HSPA12A: variants seen among roughly 807,000 people sequenced by gnomAD.
The protein encoded by HSPA12A is heat shock 70 kDa protein 12A.
Under a neutral mutation model 69.2 loss-of-function variants are expected in HSPA12A, and 28 were observed. The ratio of observed to expected loss-of-function variants is 0.40; its 90% CI spans 0.30 to 0.55. The LOEUF is 0.55. HSPA12A is among the 20% of genes least tolerant of loss of function. The pLI is 0.38. For missense variants in HSPA12A, 686 were observed against 900.7 expected (o/e 0.76, Z 3.05); for synonymous variants, 345 against 370.5 (o/e 0.93, Z 0.79).
chr10:116,806,408 T>C (rs1319139113), intron 2 of HSPA12A, among the ~76,000 whole-genome samples: 1 of 152,168 alleles, frequency 6.6e-6, no homozygotes, highest in Non-Finnish European at 1.5e-5. Context: ...GGTTTCATTA[T>C]GTTGCCCAGG....
intron 6 of HSPA12A, 109 bp downstream of exon 6, chr10:116,692,242 C>T (rs1849756972): frequency 3.8e-6 from 3 of 796,970 alleles, no homozygotes; most frequent in Non-Finnish European, 6.2e-6. Flanking sequence ...TTGCTGCCTC[C>T]CATGGAGGCC....
intron 2 of HSPA12A, among the ~76,000 whole-genome samples, chr10:116,780,393 C>A (rs1844438544): frequency 6.6e-6 from 1 of 151,532 alleles, no homozygotes; most frequent in Non-Finnish European, 1.5e-5. Flanking sequence ...TCTCTGTCAC[C>A]CAGGCTGGAG....
At position 116,705,284 on chromosome 10, in the gene HSPA12A, G is replaced by A. The variant is rs375988040; in HGVS notation, c.127-6C>T. 3 of 1,614,120 alleles carry A rather than the reference G, an allele frequency of 1.9e-6. No homozygotes were observed. The highest frequency in any genetic ancestry group is 2.5e-6 in the Non-Finnish European group (3 of 1,180,006). ...ACGTTGGAGTCAGTGTCGTTCTGCA[G>A]ATATACAGTGAGGCATGGGGGGTGT... On this transcript the variant is annotated splice_polypyrimidine_tract_variant and splice_region_variant and intron_variant, in intron 2 of 11. Transcript: ENST00000369209.
intron 5 of HSPA12A, among the ~76,000 whole-genome samples, chr10:116,694,516 G>A (rs1331597620): frequency 6.6e-6 from 1 of 152,152 alleles, no homozygotes; most frequent in African/African-American, 2.4e-5. Flanking sequence ...ATGGCCACTT[G>A]ACCTTCTGGG....
chr10:116,832,144 C>CA (rs1376193637), intron 2 of HSPA12A: 4 of 151,392 alleles, frequency 2.6e-5, no homozygotes, highest in Admixed American at 6.6e-5. Context: ...CAGGATAGGA[C>CA]AAAAATGCAA....
rs374373497 is a variant in HSPA12A, at chr10:116,754,700, C to G, written c.92-47415G>C. ...TAAATAAAAATATGAACAGAATGACCGATCTTGTCAGTAATTTATTTCTGT... is the reference window on the plus strand; with the variant it reads ...TAAATAAAAATATGAACAGAATGACGGATCTTGTCAGTAATTTATTTCTGT... On this transcript the variant is annotated intron_variant, in intron 2 of 12. Coordinates refer to the HSPA12A transcript ENST00000635765. 3.9e-5 allele frequency among the ~76,000 whole-genome samples: 6 copies of G among 152,166 alleles called. No homozygotes were observed. The South Asian group carries it at 1.2e-3, about 32-fold the overall frequency.
intron 6 of HSPA12A, among the ~76,000 whole-genome samples, chr10:116,689,870 G>A (rs1445478662): frequency 2.6e-5 from 4 of 152,014 alleles, no homozygotes; most frequent in Admixed American, 6.5e-5. Context: ...TTACTCGGGA[G>A]GGTCAGCGTT....
At chr10:116,831,855 T>C (rs976758249) in intron 2 of HSPA12A, 9 of 152,238 alleles carry the variant, frequency 5.9e-5, no homozygotes, top group African/African-American at 2.2e-4. Context: ...AGGAAAATCT[T>C]AAGTGGTCAC....
intron 1 of HSPA12A, among the ~76,000 whole-genome samples, chr10:116,717,148 A>T (rs908139251): frequency 6.6e-6 from 1 of 152,124 alleles, no homozygotes; most frequent in Non-Finnish European, 1.5e-5. Context: ...CATTATTCCC[A>T]TTCTGTAGGT....
chr10:116,841,595 T>A (rs1267068647), intron 1 of HSPA12A, among the ~76,000 whole-genome samples: 1 of 152,170 alleles, frequency 6.6e-6, no homozygotes, highest in Non-Finnish European at 1.5e-5. Flanking sequence ...CTTAAATAAT[T>A]GTGGAAGTAC....
At chr10:116,731,716 A>C (rs1554885771) in intron 1 of HSPA12A, among the ~76,000 whole-genome samples, 1 of 152,094 alleles carries the variant, frequency 6.6e-6, no homozygotes, top group Non-Finnish European at 1.5e-5. Context: ...ACTGTTAACT[A>C]TTTGTGGGAG....
intron 2 of HSPA12A, among the ~76,000 whole-genome samples, chr10:116,766,102 TG>T (rs1225161803): frequency 1.3e-5 from 2 of 152,304 alleles, no homozygotes; most frequent in East Asian, 3.9e-4. Context: ...CCACCTCCTC[TG>T]CCCCCTCTCC....
At chr10:116,716,665 C>T (rs1289136608) in intron 1 of HSPA12A, among the ~76,000 whole-genome samples, 1 of 152,156 alleles carries the variant, frequency 6.6e-6, no homozygotes, top group African/African-American at 2.4e-5. Context: ...GTTGGCTCTT[C>T]GGCTGCTGCT....
chr10:116,821,812 C>G (rs1278211000), intron 2 of HSPA12A, among the ~76,000 whole-genome samples: 1 of 152,216 alleles, frequency 6.6e-6, no homozygotes, highest in Non-Finnish European at 1.5e-5. Flanking sequence ...CACCTGTCAA[C>G]CTTCCCTGTC....
chr10:116,835,166 G>A (rs1845687895), intron 1 of HSPA12A: 2 of 378,896 alleles, frequency 5.3e-6, no homozygotes, highest in Non-Finnish European at 8.9e-6. Context: ...GGGCGCAGAG[G>A]AGCTGGGTCC....
chr10:116,675,193 A>C lies in HSPA12A; in HGVS notation c.1616T>G (p.Val539Gly). 6.2e-7 allele frequency: 1 copy of C among 1,613,650 alleles called. No homozygotes were observed. The highest frequency in any genetic ancestry group is 8.5e-7 in the Non-Finnish European group (1 of 1,179,998). Residue 539 changes from valine to glycine, a missense_variant, in exon 12 of 12, where the codon GTA becomes GGA. Coordinates refer to ENST00000369209, the MANE Select transcript of HSPA12A (RefSeq NM_025015.3). This position sits in a 1 kb window ranked among gnomAD's most constrained non-coding sequence, Gnocchi z 5.2. Reference protein sequence around the residue: ...KVRRSPLTYGVGVLNRYVEGK... With the variant: ...KVRRSPLTYGGGVLNRYVEGK... ...CTCCACGTAGCGGTTCAGCACGCCT[A>C]CCCCGTAGGTGAGCGGCGACCGGCG...
At chr10:116,761,165 C>T (rs1302246702) in intron 2 of HSPA12A, among the ~76,000 whole-genome samples, 1 of 152,034 alleles carries the variant, frequency 6.6e-6, no homozygotes, top group African/African-American at 2.4e-5. Flanking sequence ...GCCTGGCCAA[C>T]ATGGTGAAAC....
At chr10:116,817,607 G>A (rs975256983) in intron 2 of HSPA12A, among the ~76,000 whole-genome samples, 1 of 152,148 alleles carries the variant, frequency 6.6e-6, no homozygotes, top group Non-Finnish European at 1.5e-5. Context: ...CCACCATAGC[G>A]ATGGGTGTCA....
At chr10:116,816,021 A>T (rs2133190504) in intron 2 of HSPA12A, among the ~76,000 whole-genome samples, 1 of 152,302 alleles carries the variant, frequency 6.6e-6, no homozygotes, top group Middle Eastern at 3.4e-3. Context: ...CATTACCTCC[A>T]TCAAAGCCCA....
Sources: allele counts gnomAD v4.1 joint callset (sites outside exome capture counted in the v4.1 genomes callset), GRCh38; gene constraint gnomAD v4.1.1; non-coding constraint Gnocchi (gnomAD v3.1); transcripts MANE v1.5; gene names NCBI Gene and HGNC (gene_info 2026-07-23, HGNC 2026-07-21).